CDH2: variants seen among roughly 807,000 people sequenced by gnomAD.
CDH2 encodes cadherin 2, also known as cadherin-2.
Under a neutral mutation model 92.0 loss-of-function variants are expected in CDH2, and 17 were observed. The observed-to-expected ratio is 0.18, with a 90% CI of 0.13 to 0.28. The LOEUF is 0.28. Among genes scored for constraint, CDH2 ranks in the 10% least tolerant of loss-of-function variants. The pLI is 1.00. For synonymous variants in CDH2, 419 were observed against 415.9 expected (o/e 1.01, Z -0.09); for missense variants, 862 against 1,133.1 (o/e 0.76, Z 3.44).
At chr18:27,997,547 A>G (rs1312763029) in intron 7 of CDH2, among the ~76,000 whole-genome samples, 1 of 152,202 alleles carries the variant, frequency 6.6e-6, no homozygotes, top group Non-Finnish European at 1.5e-5. Context: ...TTTTAATGTC[A>G]TTACTTTGAG....
chr18:27,970,034 A>AAAT (rs149854927), intron 14 of CDH2, among the ~76,000 whole-genome samples: 2 of 152,024 alleles, frequency 1.3e-5, no homozygotes, highest in African/African-American at 4.8e-5. Context: ...AAAATAATGA[A>AAAT]AATATAATAT....
intron 2 of CDH2, among the ~76,000 whole-genome samples, chr18:28,065,694 T>C (rs990956740): frequency 9.9e-5 from 15 of 152,160 alleles, no homozygotes; most frequent in African/African-American, 3.4e-4. Flanking sequence ...ATCCCTTTTT[T>C]CCTCTCTCAT....
chr18:27,941,383 T>C (rs182255075), intron 6 of CDH2, among the ~76,000 whole-genome samples: 1 of 152,118 alleles, frequency 6.6e-6, no homozygotes, highest in African/African-American at 2.4e-5. Flanking sequence ...AAGTTATTGA[T>C]TTAATATTTA....
intron 14 of CDH2, among the ~76,000 whole-genome samples, chr18:27,976,744 A>G (rs1357359252): frequency 3.3e-5 from 5 of 152,352 alleles, no homozygotes; most frequent in Non-Finnish European, 7.3e-5. Flanking sequence ...TAGTATAGAG[A>G]ATGAAACTGC....
intron 2 of CDH2, among the ~76,000 whole-genome samples, chr18:28,113,954 A>G (rs969484053): frequency 2.0e-5 from 3 of 152,152 alleles, no homozygotes; most frequent in Non-Finnish European, 4.4e-5. Flanking sequence ...GAAAAAGACT[A>G]TCTAAAACAA....
intron 2 of CDH2, among the ~76,000 whole-genome samples, chr18:28,103,844 T>C (rs9952553): frequency 6.1e-4 from 93 of 152,266 alleles, no homozygotes; most frequent in African/African-American, 1.9e-3. Context: ...TACTTTTATA[T>C]GGCTGCATAG....
At chr18:28,163,677 T>C (rs189975581) in intron 1 of CDH2, among the ~76,000 whole-genome samples, 4 of 152,268 alleles carry the variant, frequency 2.6e-5, no homozygotes, top group Admixed American at 2.0e-4. Flanking sequence ...TCTACAGCAG[T>C]GAAAATGAAT....
chr18:28,078,417 G>C (rs937115710), intron 2 of CDH2, among the ~76,000 whole-genome samples: 2 of 152,164 alleles, frequency 1.3e-5, no homozygotes, highest in Non-Finnish European at 2.9e-5. Context: ...GGGAAAGGTA[G>C]AGTGTTGGGG....
At chr18:28,153,327 TG>T (rs1241767098) in intron 1 of CDH2, among the ~76,000 whole-genome samples, 2 of 152,224 alleles carry the variant, frequency 1.3e-5, no homozygotes, top group Non-Finnish European at 2.9e-5. Context: ...CTGCTGATTT[TG>T]GGTCCTTAGG....
At chr18:27,983,219 T>C in intron 13 of CDH2, 136 bp from the exon 14 acceptor site, 1 of 604,290 alleles carries the variant, frequency 1.7e-6, no homozygotes, top group Non-Finnish European at 2.8e-6. Flanking sequence ...CTACTATCTA[T>C]TTCTGGCCTC....
intron 1 of CDH2, among the ~76,000 whole-genome samples, chr18:28,166,079 T>C (rs2016373798): frequency 6.8e-6 from 1 of 147,658 alleles, no homozygotes. Context: ...GAGGAAGCTG[T>C]CTTTGGAGGT....
chr18:27,958,469 ATATG>A (rs993764152), intron 15 of CDH2, among the ~76,000 whole-genome samples: 299 of 150,574 alleles, frequency 2.0e-3, no homozygotes, highest in African/African-American at 6.7e-3. Flanking sequence ...ATCTCTTTAT[ATATG>A]TATGTTTGTA....
chr18:28,123,932 G>A (rs1265227974), intron 2 of CDH2, among the ~76,000 whole-genome samples: 2 of 152,142 alleles, frequency 1.3e-5, no homozygotes, highest in Non-Finnish European at 2.9e-5. Flanking sequence ...TTACAGGATG[G>A]CGGGAGGTGG....
At position 28,154,193 on chromosome 18, in the gene CDH2, T is replaced by C. The variant is rs1054564594; in HGVS notation, c.61-6409A>G. Among the ~76,000 whole-genome samples, 17 of 152,390 alleles carry C rather than the reference T, an allele frequency of 1.1e-4. 1 individual carries two copies. Among genetic ancestry groups the C allele is most frequent in the Middle Eastern group, 3.4e-3 (1 of 294 alleles). ...CATGATTTTTCTGTTCTTAATCCCA[T>C]GCTCTCTTTATTCTGAAAACTACAC... On this transcript the variant is annotated intron_variant, in intron 1 of 15. Transcript: ENST00000269141.
At chr18:28,134,999 C>T (rs539669450) in intron 2 of CDH2, among the ~76,000 whole-genome samples, 1 of 152,214 alleles carries the variant, frequency 6.6e-6, no homozygotes, top group East Asian at 1.9e-4. Context: ...AAAGGGCCCT[C>T]CACAGTGGAC....
chr18:28,015,567 C>T (rs1312760845), intron 2 of CDH2, among the ~76,000 whole-genome samples: 1 of 152,004 alleles, frequency 6.6e-6, no homozygotes, highest in African/African-American at 2.4e-5. Flanking sequence ...GAGACTTTTG[C>T]CATATTTTTG....
At chr18:27,982,908 T>C in intron 14 of CDH2, 36 bp downstream of exon 14, 2 of 1,442,232 alleles carry the variant, frequency 1.4e-6, no homozygotes, top group Middle Eastern at 1.8e-4. Context: ...TATACGATCA[T>C]AAAATTTATT....
chr18:28,121,222 A>T (rs2144271994), intron 2 of CDH2, among the ~76,000 whole-genome samples: 1 of 152,280 alleles, frequency 6.6e-6, no homozygotes, highest in African/African-American at 2.4e-5. Context: ...CCAAGAGATC[A>T]TTACAAATGA....
At chr18:28,110,266 T>A (rs1452792380) in intron 2 of CDH2, among the ~76,000 whole-genome samples, 1 of 152,182 alleles carries the variant, frequency 6.6e-6, no homozygotes, top group East Asian at 1.9e-4. Flanking sequence ...CAAAACAGTG[T>A]CTCCCTACAT....
Sources: gnomAD v4.1 joint callset for allele counts (sites outside exome capture counted in the v4.1 genomes callset) on GRCh38, gnomAD v4.1.1 for gene constraint, MANE v1.5 for transcripts, NCBI Gene and HGNC (gene_info 2026-07-23, HGNC 2026-07-21) for gene names.